The following SRPRA variants were observed in gnomAD, a reference collection of about 807,000 sequenced individuals.
The protein encoded by SRPRA is signal recognition particle receptor subunit alpha.
In SRPRA, 30 loss-of-function variants were observed where a neutral mutation model predicts 61.1. The ratio of observed to expected loss-of-function variants is 0.49; its 90% confidence interval spans 0.37 to 0.67. The LOEUF (loss-of-function observed/expected upper bound fraction) is 0.67. SRPRA is among the 30% of genes least tolerant of loss of function. The probability of loss-of-function intolerance (pLI) is 0.00; values close to 1 mark genes in which losing one functional copy is unlikely to be tolerated. For synonymous variants in SRPRA, 324 were observed against 299.7 expected (o/e 1.08, Z -0.84); for missense variants, 759 against 828.4 (o/e 0.92, Z 1.03).
At chr11:126,245,722 C>T in the SRPRA span, among the ~76,000 whole-genome samples, 14 of 151,936 alleles carry the variant, frequency 9.2e-5, no homozygotes, top group African/African-American at 2.7e-4. Context: ...TGAGGCCGAG[C>T]GCAGTGGCTA....
chr11:126,256,785 T>C, the SRPRA span: 1 of 1,614,046 alleles, frequency 6.2e-7, no homozygotes, highest in Non-Finnish European at 8.5e-7. The surrounding 1 kb of genome is among the most constrained non-coding windows in gnomAD (Gnocchi z 6.6). Context: ...CCTATGGAGA[T>C]GACTATGCCG....
At position 126,263,955 on chromosome 11, in the gene SRPRA, G is replaced by A. The variant is rs764575313; in HGVS notation, c.1878C>T (p.Leu626=). The change falls in exon 14 of 14, where the codon CTC becomes CTT. Residue 626 remains leucine, a synonymous_variant. Transcript: ENST00000332118. ...TGQTYCDLRS[L]NAKAVVAALM... is the part of the protein sequence containing the mutation. ...GGGCAGCCACCACAGCCTTGGCATT[G>A]AGGCTGCGTAGGTCACAGTAGGTCT... is the stretch of plus-strand genomic sequence containing the variant. The A allele has an allele frequency of 3.7e-5, 60 of 1,614,234 alleles. No homozygotes were observed. Among genetic ancestry groups the A allele is most frequent in the Non-Finnish European group, 5.1e-5 (60 of 1,180,046 alleles).
the SRPRA span, among the ~76,000 whole-genome samples, chr11:126,251,369 C>T: frequency 1.3e-5 from 2 of 152,264 alleles, no homozygotes; most frequent in Admixed American, 1.3e-4. Flanking sequence ...AATTTAGAGC[C>T]CAACTAAGTA....
rs775028053 is a variant in SRPRA, at chr11:126,266,004, T to C, written c.1010A>G (p.Asp337Gly). 4 of 1,614,188 alleles carry C rather than the reference T, an allele frequency of 2.5e-6. No individual in the cohort carries two copies. The South Asian group carries it at 4.4e-5, about 18-fold the overall frequency. ...CATCTTGTCCAGCACAGATTCCATG[T>C]CTTCACGACTCAAGCTCTTTGAACC... ...LVGSKSLSRE[D>G]MESVLDKMRD... Residue 337 changes from aspartate to glycine, a missense_variant, in exon 8 of 14, where the codon GAC (aspartate) becomes GGC (glycine). Asp to Gly is a moderately conservative substitution (Grantham distance 94). Transcript: ENST00000332118.
In SRPRA at chr11:126,267,437, G is replaced by A. The variant is rs376207438; in HGVS notation, c.366-102C>T. On this transcript the variant is annotated intron_variant, in intron 3 of 13. Transcript: ENST00000332118. This position sits in a 1 kb window ranked among gnomAD's most constrained non-coding sequence, Gnocchi z 4.2. ...CACCCAAGAGGACAATGAGAACTGGGTAGCAAATTAGGAATGTCTTTGAAC... is the reference window on the plus strand; with the variant it reads ...CACCCAAGAGGACAATGAGAACTGGATAGCAAATTAGGAATGTCTTTGAAC... 38 of 1,585,524 alleles carry A rather than the reference G, an allele frequency of 2.4e-5. No individual in the cohort carries two copies. The East Asian group carries it at 4.9e-4, about 21-fold the overall frequency.
At chr11:126,250,485 T>G in the SRPRA span, 12 of 1,578,020 alleles carry the variant, frequency 7.6e-6, no homozygotes, top group Non-Finnish European at 9.6e-6. This position sits in a 1 kb window ranked among gnomAD's most constrained non-coding sequence, Gnocchi z 5.1. Context: ...ACTAATTTTC[T>G]TTTTTCAAAT....
chr11:126,264,578 A>G lies in SRPRA; in HGVS notation c.1526-39T>C. ...GTAGTCAACTCTGAACACCTGGACT[A>G]CCACTCATGCTCGTTCCCAGCTTCC... On this transcript the variant is annotated intron_variant, in intron 11 of 13. Transcript: ENST00000332118. The surrounding 1 kb of genome is among the most constrained non-coding windows in gnomAD (Gnocchi z 5.0). 1 of 1,606,288 alleles carries G rather than the reference A, an allele frequency of 6.2e-7. No homozygotes were observed. Among genetic ancestry groups the G allele is most frequent in the Non-Finnish European group, 8.5e-7 (1 of 1,176,826 alleles).
At position 126,265,222 on chromosome 11, in the gene SRPRA, CAAG is replaced by C. The variant is rs1555058885; in HGVS notation, c.1311+43_1311+45del. The stretch of plus-strand genomic sequence containing the variant: ...CACCTAAAGCCAGGATTTTGAGACA[CAAG>C]AAGTACAGAAATATCAGCGATAGGC... On this transcript the variant is annotated intron_variant, in intron 10 of 13. Transcript: ENST00000332118. This position sits in a 1 kb window ranked among gnomAD's most constrained non-coding sequence, Gnocchi z 6.3. 1 of 1,613,618 alleles carries C rather than the reference CAAG, an allele frequency of 6.2e-7. No individual in the cohort carries two copies. The highest frequency in any genetic ancestry group is 1.3e-5 in the African/African-American group (1 of 74,898).
chr11:126,259,894 G>C (rs1035694621), downstream of SRPRA, among the ~76,000 whole-genome samples: 1 of 150,002 alleles, frequency 6.7e-6, no homozygotes, highest in African/African-American at 2.5e-5. Context: ...CTAATTTTTT[G>C]TATTTTTAGT....
At position 126,265,807 on chromosome 11, in the gene SRPRA, T is replaced by G. The variant is rs752391650; in HGVS notation, c.1068A>C (p.Ala356=). 2.7e-5 allele frequency: 43 copies of G among 1,614,126 alleles called. No individual in the cohort carries two copies. Among genetic ancestry groups the G allele is most frequent in the Non-Finnish European group, 3.4e-5 (40 of 1,180,058 alleles). Residue 356 remains alanine, a synonymous_variant, in exon 9 of 14, where the codon GCA becomes GCC. Transcript: ENST00000332118. The surrounding 1 kb of genome is among the most constrained non-coding windows in gnomAD (Gnocchi z 6.3). ...ATTCACAGAGCTGGACGGCAATGTC[T>G]GCAGCCACGTTCTTAGCTGAGGAGA... is the stretch of plus-strand genomic sequence containing the variant. ...RDHLIAKNVA[A]DIAVQLCESV...
At chr11:126,248,485 C>T in the SRPRA span, among the ~76,000 whole-genome samples, 1 of 149,576 alleles carries the variant, frequency 6.7e-6, no homozygotes, top group Admixed American at 6.8e-5. Context: ...ATTCTCCTGC[C>T]TCAGCCTCCC....
At chr11:126,250,293 G>A in the SRPRA span, among the ~76,000 whole-genome samples, 4 of 152,042 alleles carry the variant, frequency 2.6e-5, no homozygotes, top group South Asian at 4.1e-4. This position sits in a 1 kb window ranked among gnomAD's most constrained non-coding sequence, Gnocchi z 5.1. Flanking sequence ...GGGTTTCACC[G>A]TGTTAGCCAG....
the SRPRA span, among the ~76,000 whole-genome samples, chr11:126,237,232 T>TTTTTG: frequency 3.4e-5 from 4 of 117,118 alleles, no homozygotes; most frequent in Non-Finnish European, 5.3e-5. Flanking sequence ...TTTTTTTTTT[T>TTTTTG]TTTTTTGAGA....
At chr11:126,262,843 C>T (rs1316799012), downstream of SRPRA, 1 of 152,608 alleles carries the variant, frequency 6.6e-6, no homozygotes, top group Non-Finnish European at 1.5e-5. Context: ...GCTCTGTTGT[C>T]CTGACCATAC....
chr11:126,264,474 G>A lies in SRPRA; in HGVS notation c.1591C>T (p.Leu531=). ...ATGAGTTTGGCCAGGGCAGTCATCA[G>A]AGGGGCATTGTCTTGCATGCGGCCT... is the stretch of plus-strand genomic sequence containing the variant. ...TAGRMQDNAP[L]MTALAKLITV... Residue 531 remains leucine (L), a synonymous_variant, in exon 12 of 14, where the codon CTG becomes TTG. Coordinates refer to ENST00000332118, the MANE Select transcript of SRPRA (RefSeq NM_003139.4). This position sits in a 1 kb window ranked among gnomAD's most constrained non-coding sequence, Gnocchi z 5.0. 6.2e-7 allele frequency: 1 copy of A among 1,614,172 alleles called. No homozygotes were observed. The highest frequency in any genetic ancestry group is 2.2e-5 in the East Asian group (1 of 44,890).
At chr11:126,266,129 G>A (rs369464759) in intron 7 of SRPRA, 48 bp from the exon 8 acceptor site, 1 of 1,612,204 alleles carries the variant, frequency 6.2e-7, no homozygotes, top group Non-Finnish European at 8.5e-7. Context: ...GTAGGCAGGA[G>A]TTGTATCTTA....
the SRPRA span, among the ~76,000 whole-genome samples, chr11:126,240,275 CT>C: frequency 2.6e-3 from 357 of 136,084 alleles, no homozygotes; most frequent in African/African-American, 2.9e-3. Context: ...CTTTTTTTTT[CT>C]TTTTTTTTTT....
chr11:126,268,280 T>TGA lies in SRPRA; in HGVS notation c.118-196_118-195dup, dbSNP rs199655921. Among the ~76,000 whole-genome samples the TGA allele has an allele frequency of 2.0e-5, 3 of 152,060 alleles. No individual in the cohort carries two copies. The South Asian group carries it at 6.2e-4, about 32-fold the overall frequency. ...AGATAACCAAGTTGGGGGAAAAAGA[T>TGA]GAGAGAGAGAGCAAGACACATGGGA... On this transcript the variant is annotated intron_variant, in intron 1 of 13. Coordinates refer to ENST00000332118, the MANE Select transcript of SRPRA (RefSeq NM_003139.4).
At chr11:126,250,336 C>T in the SRPRA span, among the ~76,000 whole-genome samples, 1 of 152,138 alleles carries the variant, frequency 6.6e-6, no homozygotes, top group African/African-American at 2.4e-5. This position sits in a 1 kb window ranked among gnomAD's most constrained non-coding sequence, Gnocchi z 5.1. Flanking sequence ...CGTGATCCGC[C>T]CGCCTCGGTC....
Sources: gnomAD v4.1 joint callset for allele counts (sites outside exome capture counted in the v4.1 genomes callset) on GRCh38, gnomAD v4.1.1 for gene constraint, Gnocchi (gnomAD v3.1) non-coding constraint, MANE v1.5 for transcripts, NCBI Gene and HGNC (gene_info 2026-07-23, HGNC 2026-07-21) for gene names.